The following CCSER1 variants were observed in gnomAD, a reference collection of about 807,000 sequenced individuals.
CCSER1 encodes the protein serine-rich coiled-coil domain-containing protein 1.
Under a neutral mutation model 82.0 loss-of-function variants are expected in CCSER1, and 41 were observed. The ratio of observed to expected loss-of-function variants is 0.50; its 90% CI spans 0.39 to 0.65. CCSER1 has a LOEUF of 0.65. Among genes scored for constraint, CCSER1 ranks in the 30% least tolerant of loss-of-function variants. CCSER1 has a pLI of 0.00. For synonymous variants in CCSER1, 414 were observed against 383.9 expected (o/e 1.08, Z -0.92); for missense variants, 1,119 against 1,064.2 (o/e 1.05, Z -0.72).
At chr4:90,134,050 TAGCAATG>T (rs1190673874) in intron 1 of CCSER1, among the ~76,000 whole-genome samples, 1 of 150,958 alleles carries the variant, frequency 6.6e-6, no homozygotes. Flanking sequence ...TTAACAACAA[TAGCAATG>T]ACTGTAATGT....
chr4:90,719,375 G>A (rs1389321296), intron 6 of CCSER1, among the ~76,000 whole-genome samples: 1 of 152,076 alleles, frequency 6.6e-6, no homozygotes, highest in Admixed American at 6.6e-5. Context: ...ACATTATGGT[G>A]AGTTGTATAA....
Position 90,732,942 on chromosome 4 carries a change from T to C in CCSER1, c.2010+8951T>C, listed in dbSNP as rs572258106. ...AATCCATTCATCTGTTGATAGTCAC[T>C]TGGATTATTTGCAAATCTTGACTGC... On this transcript the variant is annotated intron_variant, in intron 7 of 10. Transcript: ENST00000509176. 3.2e-3 allele frequency among the ~76,000 whole-genome samples: 488 copies of C among 152,314 alleles called. 2 individuals carry two copies. Among genetic ancestry groups the C allele is most frequent in the African/African-American group, 0.011 (476 of 41,570 alleles).
At chr4:90,571,841 T>C (rs79408121) in intron 5 of CCSER1, among the ~76,000 whole-genome samples, 3,310 of 152,258 alleles carry the variant, frequency 0.022, 121 homozygotes, top group African/African-American at 0.07. Flanking sequence ...ATATTGCACA[T>C]CTCTTAAATT....
chr4:90,321,290 G>T (rs1737105745), intron 3 of CCSER1, among the ~76,000 whole-genome samples: 1 of 151,958 alleles, frequency 6.6e-6, no homozygotes, highest in Admixed American at 6.6e-5. Flanking sequence ...TTTAGCTCCT[G>T]TATATGAGTA....
At chr4:91,443,419 A>G (rs1221669565) in intron 10 of CCSER1, among the ~76,000 whole-genome samples, 1 of 148,488 alleles carries the variant, frequency 6.7e-6, no homozygotes, top group Admixed American at 6.9e-5. Context: ...AAAACCAAAC[A>G]CTGCATGTTC....
At chr4:90,704,820 T>TC (rs1446915222) in intron 6 of CCSER1, among the ~76,000 whole-genome samples, 2 of 152,210 alleles carry the variant, frequency 1.3e-5, no homozygotes, top group Admixed American at 6.5e-5. Flanking sequence ...GGTTTTCAGC[T>TC]CCATCAGGTC....
chr4:91,445,093 T>G (rs1755464857), intron 10 of CCSER1, among the ~76,000 whole-genome samples: 1 of 152,174 alleles, frequency 6.6e-6, no homozygotes, highest in African/African-American at 2.4e-5. Flanking sequence ...TTTTCCCTCA[T>G]TTGCTTCATA....
chr4:90,290,883 C>T (rs1046980483), intron 1 of CCSER1, among the ~76,000 whole-genome samples: 1 of 151,970 alleles, frequency 6.6e-6, no homozygotes, highest in African/African-American at 2.4e-5. Flanking sequence ...GTTATTGTTA[C>T]TGTTGTATAT....
In CCSER1 at chr4:90,849,790, T is replaced by TAA. The variant is rs750879193; in HGVS notation, c.2094+33965_2094+33966dup. On this transcript the variant is annotated intron_variant, in intron 8 of 10. Transcript: ENST00000509176. ...GGCAACAGTGCAAAACTCCATCTCA[T>TAA]AAAAAAAAAAAAAAAAAAAAAGAAA... Among the ~76,000 whole-genome samples the TAA allele has an allele frequency of 2.5e-3, 189 of 76,952 alleles. 1 individual carries two copies. The highest frequency in any genetic ancestry group is 7.6e-3 in the African/African-American group (147 of 19,354). The allele number at this position is 76,952 out of a possible 152,430, so 50.5% of individuals were successfully genotyped here. A position where few individuals can be genotyped will look rare whatever the true frequency, so the allele number is the denominator to read the frequency against.
chr4:90,929,580 A>T (rs1214485405), intron 9 of CCSER1, among the ~76,000 whole-genome samples: 1 of 152,196 alleles, frequency 6.6e-6, no homozygotes, highest in African/African-American at 2.4e-5. Context: ...TTCTGCAGTG[A>T]CTACATAGAA....
chr4:91,380,806 T>C (rs935320149), intron 10 of CCSER1, among the ~76,000 whole-genome samples: 3 of 152,208 alleles, frequency 2.0e-5, no homozygotes, highest in Non-Finnish European at 4.4e-5. Flanking sequence ...TAGCTGGTTA[T>C]TTTGCTCCTT....
chr4:91,303,882 CAGTT>C (rs2149243392), intron 10 of CCSER1, among the ~76,000 whole-genome samples: 1 of 152,050 alleles, frequency 6.6e-6, no homozygotes, highest in Non-Finnish European at 1.5e-5. Context: ...TAAATATAAA[CAGTT>C]AATAAGGGAA....
chr4:91,442,410 G>T (rs1755235338), intron 10 of CCSER1, among the ~76,000 whole-genome samples: 1 of 149,748 alleles, frequency 6.7e-6, no homozygotes, highest in South Asian at 2.1e-4. Flanking sequence ...GGGAAAACTG[G>T]CTAGCCATAT....
rs533177063 is a variant in CCSER1 at position 91,480,346 on chromosome 4, C to G, written c.2218-118226C>G. On this transcript the variant is annotated intron_variant, in intron 10 of 10. Coordinates refer to ENST00000509176, the MANE Select transcript of CCSER1 (RefSeq NM_001145065.2). ...GACTTCCAGCATGGTTGAACTAGTTCACAGTCCCACCAACAGTGTAAAAGT... is the reference window on the plus strand; with the variant it reads ...GACTTCCAGCATGGTTGAACTAGTTGACAGTCCCACCAACAGTGTAAAAGT... 7.9e-5 allele frequency among the ~76,000 whole-genome samples: 12 copies of G among 152,246 alleles called. 2 individuals are homozygous for G. The South Asian group carries it at 2.3e-3, about 29-fold the overall frequency.
intron 5 of CCSER1, among the ~76,000 whole-genome samples, chr4:90,488,351 C>A (rs1170124176): frequency 2.6e-5 from 4 of 151,918 alleles, no homozygotes; most frequent in Non-Finnish European, 5.9e-5. Flanking sequence ...CCACACCCAG[C>A]TAATTTTTGT....
chr4:90,245,950 A>G (rs1481320322), intron 1 of CCSER1, among the ~76,000 whole-genome samples: 1 of 152,192 alleles, frequency 6.6e-6, no homozygotes, highest in Non-Finnish European at 1.5e-5. Context: ...AATAACTATA[A>G]ATGGAAATTA....
intron 7 of CCSER1, among the ~76,000 whole-genome samples, chr4:90,729,324 A>G (rs772960133): frequency 1.1e-4 from 16 of 152,194 alleles, no homozygotes; most frequent in Non-Finnish European, 2.2e-4. Context: ...TGAAAGAAAT[A>G]TATTTTAAAC....
intron 10 of CCSER1, among the ~76,000 whole-genome samples, chr4:91,374,507 C>G (rs1158291021): frequency 1.3e-5 from 2 of 152,072 alleles, no homozygotes; most frequent in Non-Finnish European, 2.9e-5. Flanking sequence ...TGTTTTAAGC[C>G]CATTGTTGAG....
intron 9 of CCSER1, among the ~76,000 whole-genome samples, chr4:91,080,048 A>T (rs1194433531): frequency 2.0e-5 from 3 of 152,212 alleles, no homozygotes; most frequent in African/African-American, 7.2e-5. Flanking sequence ...AATTGAACTC[A>T]GCTCTGCACC....
Sources: allele counts gnomAD v4.1 joint callset (sites outside exome capture counted in the v4.1 genomes callset), GRCh38; gene constraint gnomAD v4.1.1; transcripts MANE v1.5; gene names NCBI Gene and HGNC (gene_info 2026-07-23, HGNC 2026-07-21).